Variants in API5 observed in about 807,000 individuals in gnomAD.
The protein encoded by API5 is FIF.
A neutral mutation model predicts 71.9 loss-of-function variants in API5; 6 were observed. That is an observed-to-expected ratio of 0.08 (90% CI 0.05 to 0.16). The LOEUF (loss-of-function observed/expected upper bound fraction) is 0.16, where lower values mean the gene tolerates loss of function less well. Ranked by LOEUF, API5 falls within the 10% of genes least tolerant of loss-of-function variation. API5 has a pLI of 1.00. For missense variants in API5, 332 were observed against 612.8 expected (o/e 0.54, Z 4.84); for synonymous variants, 189 against 221.3 (o/e 0.85, Z 1.30).
At chr11:43,332,259 A>T (rs941631983) in intron 11 of API5, among the ~76,000 whole-genome samples, 1 of 152,212 alleles carries the variant, frequency 6.6e-6, no homozygotes, top group Non-Finnish European at 1.5e-5. Flanking sequence ...ATAGTTCTGC[A>T]GTGGATACTA....
At chr11:43,312,299 C>G (rs1053383679) in intron 1 of API5, 103 bp downstream of exon 1, 21 of 1,219,596 alleles carry the variant, frequency 1.7e-5, no homozygotes, top group Non-Finnish European at 2.5e-5. Context: ...GCGGCTTCAT[C>G]CTCCCGGGGC....
chr11:43,322,531 C>T (rs752953773), intron 5 of API5, among the ~76,000 whole-genome samples: 62 of 152,146 alleles, frequency 4.1e-4, no homozygotes, highest in Non-Finnish European at 7.5e-4. Context: ...GTCACCTTAG[C>T]CCTTGACACT....
At position 43,326,536 on chromosome 11, in the gene API5, A is replaced by G. The variant is rs751694174; in HGVS notation, c.780A>G (p.Thr260=). The G allele has an allele frequency of 1.9e-6, 3 of 1,611,384 alleles. No homozygotes were observed. Among genetic ancestry groups the G allele is most frequent in the East Asian group, 2.2e-5 (1 of 44,850 alleles). The change falls in exon 7 of 14, where the codon ACA becomes ACG. Residue 260 remains threonine, a synonymous_variant. Transcript: ENST00000531273. ...ATGTCCATTCCACAAGGTTTGTGAC[A>G]TATTTCTGTGAGCAGGTTCTCCCTA... is the stretch of plus-strand genomic sequence containing the variant. The part of the protein sequence containing the change: ...SKNVHSTRFV[T]YFCEQVLPNL...
chr11:43,313,225 C>G lies in API5; in HGVS notation c.69+1029C>G, dbSNP rs79953621. Among the ~76,000 whole-genome samples the G allele has an allele frequency of 4.7e-3, 718 of 151,960 alleles. 1 individual carries two copies. The highest frequency in any genetic ancestry group is 0.017 in the African/African-American group (693 of 41,454). Reference sequence around the variant, plus strand: ...AGTGCGCAGCTCTGAATGGAGTTGTCTGGAAGAGCTCTCTTAACGATGCTT... The same window carrying G: ...AGTGCGCAGCTCTGAATGGAGTTGTGTGGAAGAGCTCTCTTAACGATGCTT... On this transcript the variant is annotated intron_variant, in intron 1 of 13. Transcript: ENST00000531273.
chr11:43,330,398 CT>C (rs1855213267), intron 10 of API5, 109 bp from the exon 11 acceptor site: 2 of 839,626 alleles, frequency 2.4e-6, no homozygotes, highest in East Asian at 2.4e-5. Flanking sequence ...TCTGTAAAGA[CT>C]GTAGAGGTGA....
At chr11:43,330,605 A>G in intron 11 of API5, 41 bp downstream of exon 11, 1 of 1,411,592 alleles carries the variant, frequency 7.1e-7, no homozygotes, top group Non-Finnish European at 9.9e-7. Flanking sequence ...CAGTTACCAT[A>G]AAATCATACA....
At chr11:43,325,978 C>T (rs1298783075) in intron 6 of API5, among the ~76,000 whole-genome samples, 2 of 152,132 alleles carry the variant, frequency 1.3e-5, no homozygotes, top group African/African-American at 2.4e-5. Flanking sequence ...AGTTCTCCAC[C>T]GCCACAGTGC....
chr11:43,338,728 A>G (rs906627004), intron 13 of API5, among the ~76,000 whole-genome samples: 2 of 150,990 alleles, frequency 1.3e-5, no homozygotes, highest in African/African-American at 4.8e-5. Context: ...CAGTGTATTT[A>G]ATTTCCTCAT....
In API5 at chr11:43,312,078, G is replaced by A. The variant is rs1415141424; in HGVS notation, c.-50G>A. ...GGAGAAGTTCCGAGGCGGCGGTGGCGCCGGTCAGGACAAGGATAGCGGAAC... is the reference window on the plus strand; with the variant it reads ...GGAGAAGTTCCGAGGCGGCGGTGGCACCGGTCAGGACAAGGATAGCGGAAC... On this transcript the variant is annotated 5_prime_UTR_variant, in exon 1 of 14. Transcript: ENST00000531273. The A allele has an allele frequency of 2.5e-6, 4 of 1,602,578 alleles. No homozygotes were observed. Among genetic ancestry groups the A allele is most frequent in the South Asian group, 1.1e-5 (1 of 90,536 alleles).
chr11:43,331,426 T>A (rs1252674412), intron 11 of API5: 1 of 155,276 alleles, frequency 6.4e-6, no homozygotes, highest in Non-Finnish European at 1.4e-5. Flanking sequence ...CATAAACAGT[T>A]AATTAACACA....
At chr11:43,326,682 T>C (rs1177868398) in intron 7 of API5, 71 bp downstream of exon 7, 1 of 844,446 alleles carries the variant, frequency 1.2e-6, no homozygotes, top group Non-Finnish European at 2.0e-6. Flanking sequence ...AACCACTAAC[T>C]TAGATCCGAT....
rs1393123609 is a variant in API5, at chr11:43,312,167, C to T, written c.40C>T (p.Leu14=). Residue 14 remains leucine, a synonymous_variant, in exon 1 of 14, where the codon CTG becomes TTG. Transcript: ENST00000531273. ...GGAGCTTTACCGCAATTATGGCATC[C>T]TGGCCGATGCCACGGAGCAAGTGGG... is the stretch of plus-strand genomic sequence containing the variant. ...VEELYRNYGI[L]ADATEQVGQH... 2 of 1,613,966 alleles carry T rather than the reference C, an allele frequency of 1.2e-6. No homozygotes were observed. Among genetic ancestry groups the T allele is most frequent in the South Asian group, 2.2e-5 (2 of 91,082 alleles).
At chr11:43,329,001 A>G (rs1394625171) in intron 9 of API5, 108 bp downstream of exon 9, 2 of 1,117,068 alleles carry the variant, frequency 1.8e-6, no homozygotes, top group Admixed American at 2.1e-5. Flanking sequence ...GCCTTACCCC[A>G]GTGATACAGA....
rs1321037752 is a variant in API5, at chr11:43,343,449, G to A, written c.*939G>A. 4 of 152,562 alleles carry A rather than the reference G, an allele frequency of 2.6e-5. No individual in the cohort carries two copies. The highest frequency in any genetic ancestry group is 9.7e-5 in the African/African-American group (4 of 41,428). 9.5% of individuals were successfully genotyped at this position (152,562 alleles called of 1,614,324 possible). ...TTTTCAAAGATAAATTGGAATTGCT[G>A]TTGGTGAAATAACAACCAAAATACT... On this transcript the variant is annotated 3_prime_UTR_variant, in exon 14 of 14. Coordinates refer to ENST00000531273, the MANE Select transcript of API5 (RefSeq NM_001142930.2).
Position 43,330,573 on chromosome 11 carries a change from G to C in API5, c.1278+9G>C, listed in dbSNP as rs767990325. ...TCAATGTTTTAATCAAGGTAAGTCT[G>C]TAATACCAAGTGACATTTCTGCAGT... On this transcript the variant is annotated intron_variant, in intron 11 of 13. Coordinates refer to ENST00000531273, the MANE Select transcript of API5 (RefSeq NM_001142930.2). The C allele has an allele frequency of 1.3e-6, 2 of 1,553,542 alleles. No individual in the cohort carries two copies. Among genetic ancestry groups the C allele is most frequent in the Admixed American group, 3.4e-5 (2 of 58,532 alleles).
chr11:43,340,604 CAG>C (rs1855578205), intron 13 of API5, among the ~76,000 whole-genome samples: 1 of 151,744 alleles, frequency 6.6e-6, no homozygotes, highest in Admixed American at 6.6e-5. Context: ...TGGAACAGAA[CAG>C]AGAACCAGAA....
chr11:43,323,522 A>G lies in API5; in HGVS notation c.636A>G (p.Gln212=). 1.9e-6 allele frequency: 3 copies of G among 1,614,178 alleles called. No homozygotes were observed. The highest frequency in any genetic ancestry group is 2.5e-6 in the Non-Finnish European group (3 of 1,180,026). Residue 212 remains glutamine (Q), a synonymous_variant, in exon 6 of 14, where the codon CAA becomes CAG. Coordinates refer to ENST00000531273, the MANE Select transcript of API5 (RefSeq NM_001142930.2). ...KSLQTVSGRQ[Q]LVELVAEQAD... is the part of the protein sequence containing the mutation. ...TACAGACAGTGAGTGGAAGACAGCA[A>G]CTTGTAGAGTTGGTGGCTGAACAGG...
rs776755695 is a variant in API5, at chr11:43,342,509, G to A, written c.1574G>A (p.Ter525=). 4 of 1,613,654 alleles carry A rather than the reference G, an allele frequency of 2.5e-6. No individual in the cohort carries two copies. In the African/African-American group the frequency reaches 4.0e-5, roughly 16 times the overall value. The change falls in exon 14 of 14, where the codon TGA becomes TAA. Residue 525 remains the stop codon, a stop_retained_variant. Transcript: ENST00000531273. ...AATCGTAGTCGGGGAAGACTCTACT[G>A]AATAAGACATCAGCATTCTTCAGCA... The part of the protein sequence containing the change: ...RGNRSRGRLY[*]
At chr11:43,319,402 C>G (rs934760067) in intron 2 of API5, among the ~76,000 whole-genome samples, 1 of 152,146 alleles carries the variant, frequency 6.6e-6, no homozygotes. Context: ...ACATTTCATG[C>G]AGAATTTGCT....
Sources: gnomAD v4.1 joint callset for allele counts (sites outside exome capture counted in the v4.1 genomes callset) on GRCh38, gnomAD v4.1.1 for gene constraint, MANE v1.5 for transcripts, NCBI Gene and HGNC (gene_info 2026-07-23, HGNC 2026-07-21) for gene names.